The following SLC25A30 variants were observed in gnomAD, a reference collection of about 807,000 sequenced individuals.
SLC25A30 encodes kidney mitochondrial carrier protein 1.
SLC25A30 carries 29 observed loss-of-function variants against 42.7 expected under a neutral mutation model. The ratio of observed to expected loss-of-function variants is 0.68; its 90% CI spans 0.51 to 0.93. The LOEUF (loss-of-function observed/expected upper bound fraction) is 0.93, where lower values mean the gene tolerates loss of function less well. SLC25A30 is among the 40% of genes least tolerant of loss of function. SLC25A30 has a pLI of 0.00. For synonymous variants in SLC25A30, 124 were observed against 131.0 expected, an observed-to-expected ratio of 0.95 and a Z score of 0.37; for missense variants, 300 against 359.7, an observed-to-expected ratio of 0.83 and a Z score of 1.34.
chr13:45,402,205 A>G, intron 6 of SLC25A30, 70 bp downstream of exon 6: 1 of 1,201,464 alleles, frequency 8.3e-7, no homozygotes, highest in African/African-American at 1.5e-5. Flanking sequence ...AAATTAAGTG[A>G]TAGAACAAGT....
At chr13:45,407,384 T>TTG (rs1272615992) in intron 3 of SLC25A30, among the ~76,000 whole-genome samples, 8 of 151,102 alleles carry the variant, frequency 5.3e-5, no homozygotes, top group African/African-American at 1.5e-4. Flanking sequence ...AAAAAAAAAA[T>TTG]TGTGTGTGTG....
chr13:45,420,884 A>G (rs1321868342), upstream of SLC25A30, among the ~76,000 whole-genome samples: 3 of 152,030 alleles, frequency 2.0e-5, no homozygotes, highest in East Asian at 5.8e-4. Flanking sequence ...TTTTGAAAGA[A>G]AACTGAATTT....
At chr13:45,423,356 C>T (rs1169868017), upstream of SLC25A30, among the ~76,000 whole-genome samples, 1 of 150,998 alleles carries the variant, frequency 6.6e-6, no homozygotes, top group Non-Finnish European at 1.5e-5. Flanking sequence ...GTGAGCTGTA[C>T]TTAGAAATCT....
In SLC25A30 at chr13:45,396,041, C is replaced by T. The variant is rs202176848; in HGVS notation, c.835-26G>A. 3 of 1,614,070 alleles carry T rather than the reference C, an allele frequency of 1.9e-6. No individual in the cohort carries two copies. The African/African-American group carries it at 4.0e-5, about 22-fold the overall frequency. On this transcript the variant is annotated intron_variant, in intron 9 of 9. Coordinates refer to ENST00000519676, the MANE Select transcript of SLC25A30 (RefSeq NM_001010875.4). ...CTGTGGTTATGGGTTAAGGATGACA[C>T]AGAAAATGCCATCTTCACAACTCCA...
the SLC25A30 span, among the ~76,000 whole-genome samples, chr13:45,429,056 CTTTTTTTTTTT>C: frequency 3.8e-4 from 36 of 93,844 alleles, no homozygotes; most frequent in East Asian, 6.6e-3. Flanking sequence ...TGTGCAAGCT[CTTTTTTTTTTT>C]TTTTTTTTTT....
chr13:45,425,858 A>C, the SLC25A30 span, among the ~76,000 whole-genome samples: 3 of 145,522 alleles, frequency 2.1e-5, no homozygotes, highest in East Asian at 6.0e-4. Context: ...ATGCCCAGGT[A>C]ATTTTTGTAT....
intron 2 of SLC25A30, among the ~76,000 whole-genome samples, chr13:45,410,962 G>A (rs552184810): frequency 2.0e-5 from 3 of 152,158 alleles, no homozygotes; most frequent in South Asian, 2.1e-4. Flanking sequence ...TTTTGAGACT[G>A]GGTCTCACTC....
At chr13:45,424,131 A>AAG in the SLC25A30 span, among the ~76,000 whole-genome samples, 8 of 76,984 alleles carry the variant, frequency 1.0e-4, no homozygotes, top group African/African-American at 4.6e-4. Context: ...ATATAAATAT[A>AAG]TAAATATATA....
chr13:45,415,751 C>CAAA (rs367807886), intron 1 of SLC25A30, among the ~76,000 whole-genome samples: 1 of 86,114 alleles, frequency 1.2e-5, no homozygotes, highest in Non-Finnish European at 2.1e-5. Context: ...GACTCCATCA[C>CAAA]AAAAAAAAAA....
the SLC25A30 span, among the ~76,000 whole-genome samples, chr13:45,426,375 G>A: frequency 6.6e-6 from 1 of 152,028 alleles, no homozygotes; most frequent in Non-Finnish European, 1.5e-5. Context: ...ATGAGCCACC[G>A]CCCCCGGCCC....
the SLC25A30 span, among the ~76,000 whole-genome samples, chr13:45,427,279 C>T: frequency 6.6e-6 from 1 of 152,170 alleles, no homozygotes; most frequent in Non-Finnish European, 1.5e-5. Context: ...TAAAGTTGTT[C>T]TCTGAAGGTC....
chr13:45,433,978 G>T, the SLC25A30 span, among the ~76,000 whole-genome samples: 4 of 152,138 alleles, frequency 2.6e-5, no homozygotes, highest in South Asian at 8.3e-4. Context: ...TTCCAATCAG[G>T]CTGGGCGCAA....
chr13:45,398,929 T>C lies in SLC25A30; in HGVS notation c.753+11A>G, dbSNP rs1207678744. ...ATTCACAACCCTGCAGAGACAGACA[T>C]CTGCTCTTACCTGTAACAAGCAATC... On this transcript the variant is annotated intron_variant, in intron 8 of 9. Coordinates refer to ENST00000519676, the MANE Select transcript of SLC25A30 (RefSeq NM_001010875.4). The C allele has an allele frequency of 1.2e-6, 2 of 1,612,218 alleles. No individual in the cohort carries two copies. The highest frequency in any genetic ancestry group is 1.7e-5 in the Admixed American group (1 of 59,530).
rs1182740014 is a variant in SLC25A30, at chr13:45,393,462, A to C, written c.*2512T>G. Reference sequence around the variant, plus strand: ...TTATATAATGCATACTATTTCTAGCACATGAATAAATATAAAGGACAGGAG... The same window carrying C: ...TTATATAATGCATACTATTTCTAGCCCATGAATAAATATAAAGGACAGGAG... On this transcript the variant is annotated 3_prime_UTR_variant, in exon 10 of 10. Transcript: ENST00000519676. The C allele has an allele frequency of 5.4e-5, 53 of 983,886 alleles. No individual in the cohort carries two copies. The highest frequency in any genetic ancestry group is 6.3e-5 in the Non-Finnish European group (52 of 828,598). The allele number at this position is 983,886 out of a possible 1,614,324, so 60.9% of individuals were successfully genotyped here. A position where few individuals can be genotyped will look rare whatever the true frequency, so the allele number is the denominator to read the frequency against.
chr13:45,396,134 G>A, intron 9 of SLC25A30, 119 bp from the exon 10 acceptor site: 1 of 1,597,628 alleles, frequency 6.3e-7, no homozygotes. Flanking sequence ...CCACGCTATG[G>A]ACACGATTAA....
At chr13:45,413,098 A>G (rs1883170753) in intron 1 of SLC25A30, among the ~76,000 whole-genome samples, 1 of 152,186 alleles carries the variant, frequency 6.6e-6, no homozygotes, top group African/African-American at 2.4e-5. Context: ...GAATAAATCT[A>G]TTAATCATTA....
At position 45,411,448 on chromosome 13, in the gene SLC25A30, T is replaced by G. The variant is rs12872200; in HGVS notation, c.-23A>C. On this transcript the variant is annotated 5_prime_UTR_variant, in exon 2 of 10. Transcript: ENST00000519676. ...CATTCTCACACTGTCTCTTCTTTGA[T>G]TTATAGAAACATTGCCTCCAGTGCT... 0.11 allele frequency: 172,460 copies of G among 1,612,780 alleles called. 9,822 individuals carry two copies. The highest frequency in any genetic ancestry group is 0.14 in the Middle Eastern group (849 of 6,058).
intron 1 of SLC25A30, among the ~76,000 whole-genome samples, chr13:45,415,291 T>C (rs962815610): frequency 1.3e-5 from 2 of 152,032 alleles, no homozygotes; most frequent in African/African-American, 2.4e-5. Flanking sequence ...CAAACTAAGG[T>C]TTCTCTGAAG....
the SLC25A30 span, among the ~76,000 whole-genome samples, chr13:45,430,016 T>C: frequency 6.6e-6 from 1 of 152,024 alleles, no homozygotes; most frequent in African/African-American, 2.4e-5. Flanking sequence ...TGGAGAATTT[T>C]GAAGTGAATT....
Sources: gnomAD v4.1 joint callset for allele counts (sites outside exome capture counted in the v4.1 genomes callset) on GRCh38, gnomAD v4.1.1 for gene constraint, MANE v1.5 for transcripts, NCBI Gene and HGNC (gene_info 2026-07-23, HGNC 2026-07-21) for gene names.